MYOM1: variants seen among roughly 807,000 people sequenced by gnomAD.
The protein encoded by MYOM1 is myomesin-1.
A neutral mutation model predicts 205.3 loss-of-function variants in MYOM1; 164 were observed. The ratio of observed to expected loss-of-function variants is 0.80; its 90% CI spans 0.70 to 0.91. The LOEUF (loss-of-function observed/expected upper bound fraction) is 0.91. Among genes scored for constraint, MYOM1 ranks in the 40% least tolerant of loss-of-function variants. The pLI is 0.00. For missense variants in MYOM1, 2,011 were observed against 2,127.3 expected (o/e 0.95, Z 1.08); for synonymous variants, 772 against 789.4 (o/e 0.98, Z 0.37).
intron 11 of MYOM1, 106 bp downstream of exon 11, chr18:3,154,841 A>G: frequency 8.2e-7 from 1 of 1,224,408 alleles, no homozygotes; most frequent in Non-Finnish European, 1.1e-6. Flanking sequence ...AAAGAGGAGG[A>G]GAGGAAAGCC....
chr18:3,186,680 A>C (rs79481863), intron 5 of MYOM1, among the ~76,000 whole-genome samples: 9,268 of 152,072 alleles, frequency 0.061, 933 homozygotes, highest in African/African-American at 0.21. Flanking sequence ...TCAGAAAACA[A>C]ATTGATGCAA....
chr18:3,137,047 T>A (rs1207110891), intron 14 of MYOM1, among the ~76,000 whole-genome samples: 4 of 151,666 alleles, frequency 2.6e-5, no homozygotes, highest in Non-Finnish European at 5.9e-5. Flanking sequence ...GCCTCCTGGG[T>A]TCACGCCATT....
chr18:3,176,893 A>T (rs1409260781), intron 5 of MYOM1, among the ~76,000 whole-genome samples: 2 of 151,214 alleles, frequency 1.3e-5, no homozygotes, highest in Admixed American at 6.6e-5. Flanking sequence ...AAAAAAAAAA[A>T]TTTGCAGTAT....
intron 23 of MYOM1, among the ~76,000 whole-genome samples, chr18:3,101,099 G>A (rs66878562): frequency 0.31 from 46,945 of 152,038 alleles, 7,556 homozygotes; most frequent in African/African-American, 0.41. Flanking sequence ...AAAAATTATC[G>A]TTCAATTATC....
At chr18:3,218,586 A>G (rs545815124) in intron 1 of MYOM1, among the ~76,000 whole-genome samples, 2 of 152,342 alleles carry the variant, frequency 1.3e-5, no homozygotes, top group African/African-American at 4.8e-5. Context: ...ATGTATAATT[A>G]ATAACTACTA....
chr18:3,112,249 A>G (rs757121922), intron 22 of MYOM1, 49 bp downstream of exon 22: 2 of 1,496,658 alleles, frequency 1.3e-6, no homozygotes, highest in Admixed American at 1.7e-5. Flanking sequence ...ACCTTAGTTC[A>G]GTATCTTACA....
intron 2 of MYOM1, among the ~76,000 whole-genome samples, chr18:3,194,519 C>T (rs1245014259): frequency 1.3e-5 from 2 of 152,258 alleles, no homozygotes. Flanking sequence ...GTGGTGCACA[C>T]GGGTGCGATA....
At chr18:3,214,617 G>A (rs2081233598) in intron 2 of MYOM1, among the ~76,000 whole-genome samples, 1 of 152,010 alleles carries the variant, frequency 6.6e-6, no homozygotes, top group Non-Finnish European at 1.5e-5. Context: ...TGAGGTCAGG[G>A]GCTCAAAACC....
At chr18:3,128,770 G>T (rs1038195846) in intron 18 of MYOM1, among the ~76,000 whole-genome samples, 1 of 151,618 alleles carries the variant, frequency 6.6e-6, no homozygotes, top group Admixed American at 6.6e-5. Flanking sequence ...GTGAATAATC[G>T]CTTAATAATC....
At chr18:3,227,541 G>A in the MYOM1 span, among the ~76,000 whole-genome samples, 1 of 152,122 alleles carries the variant, frequency 6.6e-6, no homozygotes, top group Admixed American at 6.6e-5. Flanking sequence ...AATGTGAGCC[G>A]GGCGCGGTGG....
In MYOM1 at chr18:3,151,859, T is replaced by C; in HGVS notation, c.1678A>G (p.Asn560Asp). Residue 560 changes from asparagine to aspartate, a missense_variant, in exon 12 of 38, where the codon AAT (asparagine) becomes GAT (aspartate). Transcript: ENST00000356443. ...CGAGCAAACTTCACAGGTGTGTCAT[T>C]GCACTGCGACCAGCTATCTGTGCCC... ...EVGTDSWSQC[N>D]DTPVKFARFP... is the part of the protein sequence containing the mutation. 6.2e-7 allele frequency: 1 copy of C among 1,613,276 alleles called. No individual in the cohort carries two copies.
chr18:3,102,226 G>A (rs1017174051), intron 23 of MYOM1, among the ~76,000 whole-genome samples: 4 of 151,896 alleles, frequency 2.6e-5, no homozygotes, highest in Non-Finnish European at 5.9e-5. Flanking sequence ...GGATGGTTTC[G>A]ATCTCCTGAC....
chr18:3,108,180 C>T (rs543504860), intron 22 of MYOM1, among the ~76,000 whole-genome samples: 8 of 152,158 alleles, frequency 5.3e-5, no homozygotes, highest in Non-Finnish European at 1.0e-4. Context: ...ACTGATAACT[C>T]TAGGTCTCTC....
At chr18:3,237,629 A>G in the MYOM1 span, among the ~76,000 whole-genome samples, 1 of 151,188 alleles carries the variant, frequency 6.6e-6, no homozygotes, top group Non-Finnish European at 1.5e-5. Flanking sequence ...AAAAGGAAAT[A>G]CATTCTGACA....
upstream of MYOM1, among the ~76,000 whole-genome samples, chr18:3,220,263 C>T (rs547860969): frequency 5.9e-5 from 9 of 152,014 alleles, no homozygotes; most frequent in South Asian, 1.7e-3. Context: ...ATATGATTCT[C>T]AAAATGGACT....
chr18:3,125,121 G>A (rs2079760195), intron 19 of MYOM1, among the ~76,000 whole-genome samples: 1 of 152,090 alleles, frequency 6.6e-6, no homozygotes, highest in Non-Finnish European at 1.5e-5. Context: ...ACCAAGTGTT[G>A]GCAAGGATGC....
chr18:3,142,091 G>A (rs1478684065), intron 13 of MYOM1, 28 bp from the exon 14 acceptor site: 1 of 1,610,624 alleles, frequency 6.2e-7, no homozygotes, highest in Admixed American at 1.7e-5. Context: ...AAAATGAGAA[G>A]CACACATTCT....
intron 13 of MYOM1, among the ~76,000 whole-genome samples, chr18:3,148,843 C>CT (rs1477390673): frequency 1.7e-4 from 7 of 42,280 alleles, no homozygotes; most frequent in South Asian, 1.9e-3. Context: ...GAGACTCCAT[C>CT]CAAAAAAAAA....
chr18:3,224,120 C>T (rs1045964812), upstream of MYOM1, among the ~76,000 whole-genome samples: 6 of 151,700 alleles, frequency 4.0e-5, no homozygotes, highest in Non-Finnish European at 5.9e-5. Flanking sequence ...CCTCCACCTC[C>T]CAGGTTCAAG....
Sources: allele counts gnomAD v4.1 joint callset (sites outside exome capture counted in the v4.1 genomes callset), GRCh38; gene constraint gnomAD v4.1.1; transcripts MANE v1.5; gene names NCBI Gene and HGNC (gene_info 2026-07-23, HGNC 2026-07-21).